TMEM204: variants seen among roughly 807,000 people sequenced by gnomAD.
TMEM204 encodes the protein transmembrane protein 204, also known as claudin-like protein 24.
TMEM204 carries 15 observed loss-of-function variants against 19.4 expected under a neutral mutation model. The ratio of observed to expected loss-of-function variants is 0.77; its 90% confidence interval spans 0.52 to 1.19. The LOEUF (loss-of-function observed/expected upper bound fraction) is 1.19, where lower values mean the gene tolerates loss of function less well. TMEM204 is among the 50% of genes most tolerant of loss of function. The probability of loss-of-function intolerance (pLI) is 0.00; values close to 1 mark genes in which losing one functional copy is unlikely to be tolerated. For missense variants in TMEM204, 287 were observed against 321.2 expected, an observed-to-expected ratio of 0.89 and a Z score of 0.81; for synonymous variants, 161 against 146.0, an observed-to-expected ratio of 1.10 and a Z score of -0.74.
At chr16:1,554,482 G>C (rs1026076781) in intron 2 of TMEM204, among the ~76,000 whole-genome samples, 2 of 152,154 alleles carry the variant, frequency 1.3e-5, no homozygotes, top group Admixed American at 1.3e-4. Flanking sequence ...GGAGCAGCAC[G>C]CCAGGACAGA....
rs1393407308 is a variant in TMEM204, at chr16:1,534,332, C to T, written c.57C>T (p.Ile19=). ...AAVLVALVSL[I]LNNVAAFTSN... is the part of the protein sequence containing the mutation. The stretch of plus-strand genomic sequence containing the variant: ...TGCTGGTGGCCCTGGTCTCACTCAT[C>T]CTCAACAACGTGGCGGCCTTCACCT... The change falls in exon 1 of 3, where the codon ATC becomes ATT. Residue 19 remains isoleucine, a synonymous_variant. Coordinates refer to ENST00000566264, the MANE Select transcript of TMEM204 (RefSeq NM_024600.6). 6.2e-7 allele frequency: 1 copy of T among 1,612,828 alleles called. No homozygotes were observed. Among genetic ancestry groups the T allele is most frequent in the South Asian group, 1.1e-5 (1 of 91,080 alleles).
rs1355111652 is a variant in TMEM204, at chr16:1,553,623, C to T, written c.437-1159C>T. On this transcript the variant is annotated intron_variant, in intron 2 of 2. Transcript: ENST00000566264. This position sits in a 1 kb window ranked among gnomAD's most constrained non-coding sequence, Gnocchi z 4.4. ...ACTTTGGGTACAAGAAACAGACTCA[C>T]TCAGGTTACTGTAACAGAGAGGGAG... 3 of 1,041,402 alleles carry T rather than the reference C, an allele frequency of 2.9e-6. No individual in the cohort carries two copies. The highest frequency in any genetic ancestry group is 1.6e-4 in the East Asian group (2 of 12,890). 64.5% of individuals were successfully genotyped at this position (1,041,402 alleles called of 1,614,324 possible).
intron 2 of TMEM204, among the ~76,000 whole-genome samples, chr16:1,550,931 C>T (rs1468664213): frequency 6.6e-6 from 1 of 152,300 alleles, no homozygotes; most frequent in East Asian, 1.9e-4. Flanking sequence ...GCCACGTAGC[C>T]GATGCCAGTG....
Position 1,541,938 on chromosome 16 carries a change from C to A in TMEM204, c.298C>A (p.Arg100Ser). ...GCCCACAGTGCAGTTCGACATGATG[C>A]GCGCCTGCAACCTGGTGGCCACGGC... is the stretch of plus-strand genomic sequence containing the variant. ...GTVKLQFDMM[R>S]ACNLVATAAL... Residue 100 changes from arginine to serine, a missense_variant, in exon 2 of 3, where the codon CGC becomes AGC. By Grantham distance (110) the Arg-to-Ser change is moderately radical. Coordinates refer to ENST00000566264, the MANE Select transcript of TMEM204 (RefSeq NM_024600.6). The A allele has an allele frequency of 1.9e-6, 3 of 1,605,468 alleles. No homozygotes were observed. Among genetic ancestry groups the A allele is most frequent in the South Asian group, 1.1e-5 (1 of 90,238 alleles).
intron 1 of TMEM204, among the ~76,000 whole-genome samples, chr16:1,536,221 C>T (rs908827935): frequency 1.3e-5 from 2 of 152,248 alleles, no homozygotes; most frequent in Non-Finnish European, 2.9e-5. Context: ...AGCCTTGGCG[C>T]CCCTCCCTGT....
chr16:1,554,828 A>T lies in TMEM204; in HGVS notation c.483A>T (p.Pro161=). The part of the protein sequence containing the change: ...IGLVTFYRIG[P]YTNLSWSCYL... The stretch of plus-strand genomic sequence containing the variant: ...TCGTGACTTTCTACAGAATTGGCCC[A>T]TACACCAACCTGTCCTGGTCCTGCT... The change falls in exon 3 of 3, where the codon CCA becomes CCT. Residue 161 remains proline (P), a synonymous_variant. Transcript: ENST00000566264. The T allele has an allele frequency of 6.2e-7, 1 of 1,614,172 alleles. No homozygotes were observed. The highest frequency in any genetic ancestry group is 8.5e-7 in the Non-Finnish European group (1 of 1,180,036).
At chr16:1,552,001 G>A (rs991773490) in intron 2 of TMEM204, among the ~76,000 whole-genome samples, 2 of 152,158 alleles carry the variant, frequency 1.3e-5, no homozygotes, top group Non-Finnish European at 2.9e-5. Context: ...GGTCCCCTAT[G>A]TGTGGAAACT....
At chr16:1,550,630 G>A (rs569882462) in intron 2 of TMEM204, among the ~76,000 whole-genome samples, 12 of 152,176 alleles carry the variant, frequency 7.9e-5, no homozygotes, top group African/African-American at 2.2e-4. Flanking sequence ...GCAGGAGGCC[G>A]GGCTCAGTTC....
chr16:1,546,790 G>A (rs947632087), intron 2 of TMEM204, among the ~76,000 whole-genome samples: 3 of 152,226 alleles, frequency 2.0e-5, no homozygotes, highest in African/African-American at 4.8e-5. Flanking sequence ...AACACTTTTC[G>A]GTGGTTTGAT....
intron 1 of TMEM204, among the ~76,000 whole-genome samples, chr16:1,536,931 T>G (rs1233140378): frequency 6.6e-6 from 1 of 152,214 alleles, no homozygotes. Flanking sequence ...AGCTAGCCTA[T>G]GAACCTTTCT....
At chr16:1,531,445 C>T (rs1005586143), upstream of TMEM204, 2 of 152,256 alleles carry the variant, frequency 1.3e-5, no homozygotes, top group Non-Finnish European at 2.9e-5. The surrounding 1 kb of genome is among the most constrained non-coding windows in gnomAD (Gnocchi z 4.7). Context: ...CTAGGGCTCC[C>T]GCTCTGCTGG....
At position 1,534,349 on chromosome 16, in the gene TMEM204, C is replaced by G; in HGVS notation, c.74C>G (p.Ala25Gly). ...LVSLILNNVA[A>G]FTSNWVCQTL... The stretch of plus-strand genomic sequence containing the variant: ...TCACTCATCCTCAACAACGTGGCGG[C>G]CTTCACCTCCAACTGGGTGTGCCAG... Residue 25 changes from alanine to glycine, a missense_variant, in exon 1 of 3, where the codon GCC becomes GGC. Transcript: ENST00000566264. 2 of 1,612,766 alleles carry G rather than the reference C, an allele frequency of 1.2e-6. No individual in the cohort carries two copies. The highest frequency in any genetic ancestry group is 1.7e-6 in the Non-Finnish European group (2 of 1,179,866).
intron 2 of TMEM204, chr16:1,554,187 C>G: frequency 8.1e-7 from 1 of 1,228,988 alleles, no homozygotes; most frequent in South Asian, 1.3e-5. Flanking sequence ...TCCGCCCTGC[C>G]TGAGCTGCAG....
chr16:1,540,100 T>C (rs1176324154), intron 1 of TMEM204, among the ~76,000 whole-genome samples: 1 of 152,100 alleles, frequency 6.6e-6, no homozygotes, highest in Non-Finnish European at 1.5e-5. Flanking sequence ...GCAGTGTGCC[T>C]CCAGGGATGC....
At chr16:1,530,131 A>ATTTT (rs2030295926), upstream of TMEM204, among the ~76,000 whole-genome samples, 1 of 126,538 alleles carries the variant, frequency 7.9e-6, no homozygotes, top group African/African-American at 3.7e-5. Flanking sequence ...CACGACGGGA[A>ATTTT]TCTTTTTTTT....
intron 1 of TMEM204, among the ~76,000 whole-genome samples, chr16:1,536,702 C>T (rs1271728423): frequency 3.3e-5 from 5 of 152,196 alleles, no homozygotes; most frequent in South Asian, 2.1e-4. Context: ...CACGGGGACG[C>T]GCCCAGAGTC....
chr16:1,533,980 A>C lies in TMEM204; in HGVS notation c.-296A>C. The C allele has an allele frequency of 2.2e-6, 1 of 448,970 alleles. No homozygotes were observed. Among genetic ancestry groups the C allele is most frequent in the Non-Finnish European group, 3.9e-6 (1 of 253,906 alleles). 27.8% of individuals were successfully genotyped at this position (448,970 alleles called of 1,614,324 possible). A position where few individuals can be genotyped will look rare whatever the true frequency, so the allele number is the denominator to read the frequency against. On this transcript the variant is annotated 5_prime_UTR_variant, in exon 1 of 3. Transcript: ENST00000566264. This position sits in a 1 kb window ranked among gnomAD's most constrained non-coding sequence, Gnocchi z 4.7. The stretch of plus-strand genomic sequence containing the variant: ...ACAGGCCGGCCTCCGCTTCCCGGGA[A>C]GACGGCGCACTCCTGGCCCTGGGTT...
At chr16:1,539,273 G>A (rs551424096) in intron 1 of TMEM204, among the ~76,000 whole-genome samples, 1 of 146,604 alleles carries the variant, frequency 6.8e-6, no homozygotes, top group South Asian at 2.2e-4. Flanking sequence ...CCCACACCTT[G>A]GGCCTCACCA....
chr16:1,540,905 C>G (rs2031569128), intron 1 of TMEM204: 1 of 985,318 alleles, frequency 1.0e-6, no homozygotes, highest in Non-Finnish European at 1.2e-6. Flanking sequence ...TGACTCCAGG[C>G]TGAGTGTCTG....
Sources: gnomAD v4.1 joint callset for allele counts (sites outside exome capture counted in the v4.1 genomes callset) on GRCh38, gnomAD v4.1.1 for gene constraint, Gnocchi (gnomAD v3.1) non-coding constraint, MANE v1.5 for transcripts, NCBI Gene and HGNC (gene_info 2026-07-23, HGNC 2026-07-21) for gene names.